The following MYRIP variants were observed in gnomAD, a reference collection of about 807,000 sequenced individuals.
MYRIP encodes the protein myosin VIIA and Rab interacting protein.
In MYRIP, 49 loss-of-function variants were observed where a neutral mutation model predicts 98.0. That is an observed-to-expected ratio of 0.50 (90% CI 0.40 to 0.63). The LOEUF (loss-of-function observed/expected upper bound fraction) is 0.63, where lower values mean the gene tolerates loss of function less well. Ranked by LOEUF, MYRIP falls within the 30% of genes least tolerant of loss-of-function variation. The probability of loss-of-function intolerance (pLI) is 0.00; values close to 1 mark genes in which losing one functional copy is unlikely to be tolerated. For missense variants in MYRIP, 1,004 were observed against 1,058.2 expected (o/e 0.95, Z 0.71); for synonymous variants, 404 against 409.5 (o/e 0.99, Z 0.16).
At chr3:40,251,832 A>C in intron 15 of MYRIP, 49 bp from the exon 16 acceptor site, 1 of 1,298,836 alleles carries the variant, frequency 7.7e-7, no homozygotes, top group Non-Finnish European at 1.1e-6. Flanking sequence ...CTTAACAATC[A>C]ATCAGTCCAT....
rs751842154 is a variant in MYRIP, at chr3:40,182,233, C to T, written c.887C>T (p.Ala296Val). ...APAALWRSQSAFSITGEEALK... is the reference protein window; with the variant it reads ...APAALWRSQSVFSITGEEALK... ...TCCTTTCCACAGAGGTCCCAGTCTG[C>T]CTTCTCAATCACTGGAGAAGAAGCC... Residue 296 changes from alanine (A) to valine (V), a missense_variant, in exon 9 of 17, where the codon GCC becomes GTC. Physicochemically the swap from Ala to Val is moderately conservative, Grantham distance 64 (BLOSUM62 0). This residue lies in a region of MYRIP where 880 missense variants were observed against 907.7 expected (regional missense o/e 0.97). Transcript: ENST00000302541. The T allele has an allele frequency of 1.2e-6, 2 of 1,610,892 alleles. No individual in the cohort carries two copies. The highest frequency in any genetic ancestry group is 1.7e-5 in the Admixed American group (1 of 59,556).
At chr3:40,000,353 C>T (rs1228658731) in intron 2 of MYRIP, among the ~76,000 whole-genome samples, 1 of 152,164 alleles carries the variant, frequency 6.6e-6, no homozygotes, top group Non-Finnish European at 1.5e-5. Flanking sequence ...CATTTGCCTC[C>T]AGCAGCACCA....
At chr3:39,919,690 T>TG (rs1245865013) in intron 2 of MYRIP, among the ~76,000 whole-genome samples, 2,010 of 144,784 alleles carry the variant, frequency 0.014, 35 homozygotes, top group East Asian at 0.085. Context: ...TGCGGGTATG[T>TG]GTGGTGTGTG....
At chr3:40,066,220 C>T (rs1948123519) in intron 3 of MYRIP, among the ~76,000 whole-genome samples, 1 of 152,164 alleles carries the variant, frequency 6.6e-6, no homozygotes, top group South Asian at 2.1e-4. Flanking sequence ...CCCACACCAA[C>T]TTGCAACTTT....
chr3:40,202,902 T>TTTACTTAC (rs56260749), intron 10 of MYRIP, among the ~76,000 whole-genome samples: 2,390 of 139,544 alleles, frequency 0.017, 30 homozygotes, highest in African/African-American at 0.037. Context: ...CTCACCTCCA[T>TTTACTTAC]TTACTTATTT....
At chr3:40,075,593 G>T (rs921449797) in intron 3 of MYRIP, among the ~76,000 whole-genome samples, 2 of 152,278 alleles carry the variant, frequency 1.3e-5, no homozygotes, top group East Asian at 3.9e-4. Flanking sequence ...GAGGGCTATT[G>T]TTAGATTTAA....
intron 2 of MYRIP, among the ~76,000 whole-genome samples, chr3:40,001,641 T>TA (rs1020851009): frequency 5.8e-4 from 89 of 152,228 alleles, no homozygotes; most frequent in African/African-American, 1.9e-3. Flanking sequence ...CTGGGCCAGG[T>TA]GCTGGGATTA....
chr3:40,163,010 T>C, intron 5 of MYRIP, 200 bp downstream of exon 5: 1 of 501,526 alleles, frequency 2.0e-6, no homozygotes, highest in East Asian at 3.3e-5. Flanking sequence ...ATCCAAAATG[T>C]GGCCAAGAGA....
At chr3:40,088,762 C>T (rs1351541713) in intron 3 of MYRIP, among the ~76,000 whole-genome samples, 1 of 152,208 alleles carries the variant, frequency 6.6e-6, no homozygotes, top group Non-Finnish European at 1.5e-5. Context: ...TTTCTCAGCC[C>T]TGGTAGGGAG....
intron 2 of MYRIP, among the ~76,000 whole-genome samples, chr3:39,927,079 G>C (rs1421251797): frequency 6.6e-6 from 1 of 151,888 alleles, no homozygotes; most frequent in Admixed American, 6.6e-5. Context: ...GTGTGTTTGT[G>C]TGTGTCTATT....
At chr3:40,130,408 C>A (rs1400515134) in intron 3 of MYRIP, among the ~76,000 whole-genome samples, 3 of 145,184 alleles carry the variant, frequency 2.1e-5, no homozygotes, top group African/African-American at 7.8e-5. Context: ...GACGGAGTCT[C>A]GCTCTGTGGC....
chr3:40,099,101 T>C (rs1015435259), intron 3 of MYRIP, among the ~76,000 whole-genome samples: 7 of 152,150 alleles, frequency 4.6e-5, no homozygotes, highest in African/African-American at 1.7e-4. Flanking sequence ...GCTTTTCCTG[T>C]AGAACTTTCT....
chr3:40,106,322 A>C (rs1949049422), intron 3 of MYRIP, among the ~76,000 whole-genome samples: 1 of 151,968 alleles, frequency 6.6e-6, no homozygotes, highest in African/African-American at 2.4e-5. Flanking sequence ...TCAGCAGAAG[A>C]GTTAAGAAGA....
At position 39,893,707 on chromosome 3, in the gene MYRIP, C is replaced by T. The variant is rs978182006; in HGVS notation, c.-30-7080C>T. Among the ~76,000 whole-genome samples, 7 of 147,062 alleles carry T rather than the reference C, an allele frequency of 4.8e-5. 1 individual carries two copies. In the South Asian group the frequency reaches 1.1e-3, roughly 23 times the overall value. ...ACACACACACACACACACACACACA[C>T]GCATGCACACATACATTGTTTAGAA... On this transcript the variant is annotated intron_variant, in intron 1 of 16. Transcript: ENST00000302541.
chr3:40,186,849 C>G (rs1054646191), intron 9 of MYRIP, among the ~76,000 whole-genome samples: 2 of 152,186 alleles, frequency 1.3e-5, no homozygotes, highest in African/African-American at 4.8e-5. Flanking sequence ...CCCTTACCAC[C>G]TGACTGACAA....
chr3:39,994,003 C>T (rs1038909740), intron 2 of MYRIP, among the ~76,000 whole-genome samples: 4 of 152,202 alleles, frequency 2.6e-5, no homozygotes, highest in Admixed American at 1.3e-4. Flanking sequence ...TCTTTTCAAA[C>T]AAAATGGGGT....
chr3:39,902,362 G>C (rs368812458), intron 2 of MYRIP, among the ~76,000 whole-genome samples: 1 of 152,210 alleles, frequency 6.6e-6, no homozygotes, highest in Admixed American at 6.5e-5. Flanking sequence ...ACAGTTGCTT[G>C]GCAGCGCTAA....
At chr3:39,890,523 TG>T (rs1943457871) in intron 1 of MYRIP, among the ~76,000 whole-genome samples, 1 of 152,088 alleles carries the variant, frequency 6.6e-6, no homozygotes, top group Non-Finnish European at 1.5e-5. Context: ...TTAATATTTT[TG>T]TATAGTTTCT....
intron 2 of MYRIP, among the ~76,000 whole-genome samples, chr3:39,960,463 C>T (rs1009226285): frequency 6.6e-6 from 1 of 152,054 alleles, no homozygotes; most frequent in Non-Finnish European, 1.5e-5. Flanking sequence ...TGTTCTTTTT[C>T]CCTCTTTTCC....
Sources: allele counts gnomAD v4.1 joint callset (sites outside exome capture counted in the v4.1 genomes callset), GRCh38; gene constraint gnomAD v4.1.1; regional missense constraint gnomAD v4.1.1; transcripts MANE v1.5; gene names NCBI Gene and HGNC (gene_info 2026-07-23, HGNC 2026-07-21).